Variants in PRIM2 observed in about 807,000 individuals in gnomAD.
PRIM2 encodes the protein DNA primase large subunit.
In PRIM2, 39 loss-of-function variants were observed where a neutral mutation model predicts 67.3. The observed-to-expected ratio is 0.58, with a 90% confidence interval of 0.45 to 0.76. PRIM2 has a LOEUF of 0.76. PRIM2 is among the 30% of genes least tolerant of loss of function. The pLI, the probability that PRIM2 is intolerant of heterozygous loss-of-function variation, is 0.00. For synonymous variants in PRIM2, 143 were observed against 198.7 expected (o/e 0.72, Z 2.36); for missense variants, 398 against 598.7 (o/e 0.66, Z 3.50).
At chr6:57,261,341 G>A in the PRIM2 span, among the ~76,000 whole-genome samples, 1 of 152,008 alleles carries the variant, frequency 6.6e-6, no homozygotes, top group Non-Finnish European at 1.5e-5. Context: ...CAAGAGCTGG[G>A]TCCATAGAAG....
chr6:57,255,367 G>A, the PRIM2 span, among the ~76,000 whole-genome samples: 1 of 151,886 alleles, frequency 6.6e-6, no homozygotes, highest in Non-Finnish European at 1.5e-5. Flanking sequence ...GCATGGTGGC[G>A]GGCACCTGTA....
chr6:57,472,008 T>C (rs1172019743), intron 7 of PRIM2, among the ~76,000 whole-genome samples: 5 of 152,224 alleles, frequency 3.3e-5, no homozygotes, highest in Non-Finnish European at 7.3e-5. Context: ...GAACTGTTGT[T>C]GCTGACCAGG....
the PRIM2 span, among the ~76,000 whole-genome samples, chr6:57,290,370 C>A: frequency 1.1e-4 from 17 of 152,252 alleles, no homozygotes; most frequent in African/African-American, 4.1e-4. Flanking sequence ...CCTTAGAGAC[C>A]TACAAAGAGA....
intron 5 of PRIM2, among the ~76,000 whole-genome samples, chr6:57,352,333 C>T (rs916876839): frequency 5.3e-5 from 8 of 152,038 alleles, no homozygotes; most frequent in Non-Finnish European, 1.0e-4. Flanking sequence ...CTCCGCCTCC[C>T]AGGTTTAAGC....
chr6:57,624,156 A>C (rs1234290316), intron 12 of PRIM2, among the ~76,000 whole-genome samples: 1 of 152,190 alleles, frequency 6.6e-6, no homozygotes, highest in African/African-American at 2.4e-5. Context: ...TAGTAACTGA[A>C]CCATGGAACT....
At chr6:57,575,657 T>G (rs1775949797) in intron 10 of PRIM2, among the ~76,000 whole-genome samples, 1 of 152,204 alleles carries the variant, frequency 6.6e-6, no homozygotes, top group Non-Finnish European at 1.5e-5. Flanking sequence ...GGGGTGATAA[T>G]TGATATATAA....
At chr6:57,498,570 C>T (rs1774058479) in intron 7 of PRIM2, among the ~76,000 whole-genome samples, 2 of 152,246 alleles carry the variant, frequency 1.3e-5, no homozygotes, top group African/African-American at 2.4e-5. Context: ...CTAAATTGTA[C>T]TGATTACCTG....
At chr6:57,254,729 G>A in the PRIM2 span, among the ~76,000 whole-genome samples, 1 of 151,770 alleles carries the variant, frequency 6.6e-6, no homozygotes, top group South Asian at 2.1e-4. Flanking sequence ...TTGGGGGTCT[G>A]AAGAAACTCC....
chr6:57,645,857 A>G, intron 13 of PRIM2, 71 bp from the exon 14 acceptor site: 4 of 818,788 alleles, frequency 4.9e-6, no homozygotes, highest in African/African-American at 1.7e-5. Flanking sequence ...AAGTACTAAA[A>G]CAGCTTTTGA....
intron 5 of PRIM2, among the ~76,000 whole-genome samples, chr6:57,335,544 G>T (rs925299904): frequency 6.6e-6 from 1 of 152,148 alleles, no homozygotes; most frequent in African/African-American, 2.4e-5. Flanking sequence ...CCTCAAGTGG[G>T]TCCCTGACCC....
At chr6:57,235,217 C>A in the PRIM2 span, among the ~76,000 whole-genome samples, 1 of 152,100 alleles carries the variant, frequency 6.6e-6, no homozygotes, top group Non-Finnish European at 1.5e-5. Context: ...AATCCCCGCA[C>A]TTTCGGAGGC....
Position 57,419,702 on chromosome 6 carries a change from GGTA to G in PRIM2, c.693+37538_693+37540del, listed in dbSNP as rs1382504274. Among the ~76,000 whole-genome samples the G allele has an allele frequency of 7.2e-5, 11 of 152,070 alleles. 1 individual carries two copies. In the East Asian group the frequency reaches 1.7e-3, roughly 24 times the overall value. ...ATTGGAGATGAGGGCAGGAGGGAGG[GGTA>G]GTATGTAGTAGTGGTTGCATTCATA... On this transcript the variant is annotated intron_variant, in intron 7 of 13. Coordinates refer to ENST00000615550, the MANE Select transcript of PRIM2 (RefSeq NM_000947.5).
At chr6:57,445,620 T>C (rs9475971) in intron 7 of PRIM2, among the ~76,000 whole-genome samples, 6 of 152,210 alleles carry the variant, frequency 3.9e-5, no homozygotes, top group Non-Finnish European at 8.8e-5. Context: ...TCAGCCACTA[T>C]GCTGATTCCT....
At chr6:57,225,613 T>C in the PRIM2 span, among the ~76,000 whole-genome samples, 1 of 152,252 alleles carries the variant, frequency 6.6e-6, no homozygotes, top group Admixed American at 6.5e-5. Flanking sequence ...TTGAATCTAG[T>C]ACCTCCACTG....
Position 57,601,178 on chromosome 6 carries a change from A to G in PRIM2, c.1106A>G (p.Lys369Arg), listed in dbSNP as rs1381410409. The G allele has an allele frequency of 6.2e-7, 1 of 1,612,562 alleles. No individual in the cohort carries two copies. Among genetic ancestry groups the G allele is most frequent in the African/African-American group, 1.3e-5 (1 of 74,874 alleles). ...GACTATACACCTTTCAGTTGCCTGA[A>G]GATTATTCTGTCCAATCCACCAAGC... is the stretch of plus-strand genomic sequence containing the variant. ...RTDYTPFSCLKIILSNPPSQG... is the reference protein window; with the variant it reads ...RTDYTPFSCLRIILSNPPSQG... Residue 369 changes from lysine to arginine, a missense_variant, in exon 11 of 14, where the codon AAG becomes AGG. Around this residue, in one of 4 missense-constraint regions of PRIM2, gnomAD observed 229 missense variants for 383.6 expected, o/e 0.60. Coordinates refer to ENST00000615550, the MANE Select transcript of PRIM2 (RefSeq NM_000947.5).
At chr6:57,234,044 A>C in the PRIM2 span, among the ~76,000 whole-genome samples, 1 of 152,190 alleles carries the variant, frequency 6.6e-6, no homozygotes, top group South Asian at 2.1e-4. Context: ...GCCAAATGCT[A>C]CATACATCTA....
intron 10 of PRIM2, among the ~76,000 whole-genome samples, chr6:57,555,616 T>A (rs1407372336): frequency 5.9e-5 from 9 of 152,120 alleles, no homozygotes; most frequent in African/African-American, 1.9e-4. Context: ...GCTTTAGAAA[T>A]TCACCATATA....
chr6:57,238,288 T>C, the PRIM2 span, among the ~76,000 whole-genome samples: 1 of 152,168 alleles, frequency 6.6e-6, no homozygotes, highest in South Asian at 2.1e-4. Flanking sequence ...TCACACTTAT[T>C]CCAAAATTGA....
At chr6:57,512,473 T>C (rs1332964278) in intron 8 of PRIM2, among the ~76,000 whole-genome samples, 2 of 152,108 alleles carry the variant, frequency 1.3e-5, no homozygotes, top group Non-Finnish European at 2.9e-5. Flanking sequence ...CAATCTAGCT[T>C]TTTGGTGCAT....
Sources: allele counts gnomAD v4.1 joint callset (sites outside exome capture counted in the v4.1 genomes callset), GRCh38; gene constraint gnomAD v4.1.1; regional missense constraint gnomAD v4.1.1; transcripts MANE v1.5; gene names NCBI Gene and HGNC (gene_info 2026-07-23, HGNC 2026-07-21).